The following RFX8 variants were observed in gnomAD, a reference collection of about 807,000 sequenced individuals.
The protein encoded by RFX8 is regulatory factor X8.
Under a neutral mutation model 54.6 loss-of-function variants are expected in RFX8, and 46 were observed. The ratio of observed to expected loss-of-function variants is 0.84; its 90% CI spans 0.67 to 1.08. The LOEUF (loss-of-function observed/expected upper bound fraction) is 1.08, where lower values mean the gene tolerates loss of function less well. RFX8 is among the 50% of genes least tolerant of loss of function. RFX8 has a pLI of 0.00. For missense variants in RFX8, 536 were observed against 562.3 expected, an observed-to-expected ratio of 0.95 and a Z score of 0.47; for synonymous variants, 192 against 209.5, an observed-to-expected ratio of 0.92 and a Z score of 0.72.
intron 2 of RFX8, among the ~76,000 whole-genome samples, chr2:101,461,212 G>A (rs569910088): frequency 1.0e-3 from 143 of 137,076 alleles, no homozygotes; most frequent in African/African-American, 3.6e-3. Flanking sequence ...GCAGTGAGCC[G>A]AGATCACGCC....
At chr2:101,427,982 C>G (rs185464923) in intron 2 of RFX8, among the ~76,000 whole-genome samples, 1 of 152,120 alleles carries the variant, frequency 6.6e-6, no homozygotes, top group Non-Finnish European at 1.5e-5. Flanking sequence ...CCCCGCCCCC[C>G]GCAGGGTCAT....
intron 2 of RFX8, among the ~76,000 whole-genome samples, chr2:101,446,729 G>A (rs1688404893): frequency 6.8e-6 from 1 of 146,716 alleles, no homozygotes; most frequent in Non-Finnish European, 1.5e-5. Context: ...CCGAGTGCCT[G>A]CCTAGTTACT....
intron 1 of RFX8, chr2:101,474,098 C>A: frequency 1.9e-6 from 1 of 515,404 alleles, no homozygotes; most frequent in Non-Finnish European, 3.4e-6. Flanking sequence ...CTCCTCACAC[C>A]CGGCTTTGAC....
intron 9 of RFX8, among the ~76,000 whole-genome samples, chr2:101,409,345 C>A (rs996027674): frequency 7.9e-5 from 12 of 152,082 alleles, no homozygotes; most frequent in African/African-American, 2.2e-4. Context: ...GCCTCAGCCT[C>A]CCGAGTAGCT....
At chr2:101,421,065 T>G (rs1686833146) in intron 4 of RFX8, among the ~76,000 whole-genome samples, 1 of 152,224 alleles carries the variant, frequency 6.6e-6, no homozygotes, top group African/African-American at 2.4e-5. Flanking sequence ...TGAAGACATC[T>G]TGGTCTCTCC....
intron 1 of RFX8, among the ~76,000 whole-genome samples, chr2:101,470,080 A>G (rs1345336601): frequency 6.6e-6 from 1 of 151,248 alleles, no homozygotes; most frequent in Non-Finnish European, 1.5e-5. Context: ...GTCACCCAGT[A>G]GTTGCCTCAG....
At chr2:101,414,769 C>T in intron 7 of RFX8, 85 bp downstream of exon 7, 1 of 1,040,564 alleles carries the variant, frequency 9.6e-7, no homozygotes, top group South Asian at 1.4e-5. Flanking sequence ...ACAGAGCAAC[C>T]ACTCACTCTT....
chr2:101,406,997 C>T (rs921530013), intron 9 of RFX8, among the ~76,000 whole-genome samples: 2 of 152,140 alleles, frequency 1.3e-5, no homozygotes, highest in Admixed American at 1.3e-4. Flanking sequence ...TTCCCTCTAC[C>T]CAGACAGAGA....
chr2:101,436,259 G>A (rs1687777553), intron 2 of RFX8, among the ~76,000 whole-genome samples: 1 of 152,128 alleles, frequency 6.6e-6, no homozygotes, highest in East Asian at 1.9e-4. Flanking sequence ...TGGAGTACTT[G>A]GTGGTAGTGA....
chr2:101,419,906 G>C (rs372321406), intron 4 of RFX8, among the ~76,000 whole-genome samples: 21 of 152,170 alleles, frequency 1.4e-4, no homozygotes, highest in African/African-American at 4.6e-4. Flanking sequence ...TTTGGGGAAG[G>C]GGGGTCTGGG....
chr2:101,459,851 A>G lies in RFX8; in HGVS notation c.72+6926T>C, dbSNP rs145931719. On this transcript the variant is annotated intron_variant, in intron 2 of 11. Coordinates refer to ENST00000428343, the MANE Select transcript of RFX8 (RefSeq NM_001145664.2). ...TGCCCTGCCCACAGAGGTGGAGTCC[A>G]TAGAGGCAGTAGGGCTTGTTGCACT... 9.3e-3 allele frequency among the ~76,000 whole-genome samples: 1,410 copies of G among 152,328 alleles called. 24 individuals carry two copies. The highest frequency in any genetic ancestry group is 0.033 in the African/African-American group (1,367 of 41,574).
chr2:101,436,070 C>A (rs995178857), intron 2 of RFX8, among the ~76,000 whole-genome samples: 13 of 152,226 alleles, frequency 8.5e-5, no homozygotes, highest in African/African-American at 3.1e-4. Flanking sequence ...TCTGTGGGCA[C>A]CCTCTTCTCC....
At chr2:101,439,572 C>A (rs534080122) in intron 2 of RFX8, among the ~76,000 whole-genome samples, 6 of 146,500 alleles carry the variant, frequency 4.1e-5, no homozygotes, top group African/African-American at 1.5e-4. Flanking sequence ...TTTTCATATA[C>A]ATTATGAAGA....
intron 11 of RFX8, among the ~76,000 whole-genome samples, chr2:101,401,133 G>A (rs1051515648): frequency 9.9e-5 from 15 of 152,146 alleles, no homozygotes; most frequent in Non-Finnish European, 1.5e-4. Context: ...ACAGACAAAC[G>A]TTGGAATCTA....
intron 2 of RFX8, among the ~76,000 whole-genome samples, chr2:101,426,978 T>C (rs1033030396): frequency 7.2e-5 from 11 of 152,136 alleles, no homozygotes; most frequent in African/African-American, 2.7e-4. Context: ...ATCGACAAGC[T>C]CTGTGCCCTC....
intron 9 of RFX8, among the ~76,000 whole-genome samples, chr2:101,408,421 C>G (rs1685883625): frequency 6.6e-6 from 1 of 151,666 alleles, no homozygotes; most frequent in Admixed American, 6.6e-5. Flanking sequence ...GGGGGCGGAG[C>G]CTGCAGTGAG....
intron 2 of RFX8, among the ~76,000 whole-genome samples, chr2:101,458,269 A>T (rs1689089048): frequency 6.6e-6 from 1 of 152,084 alleles, no homozygotes; most frequent in Admixed American, 6.6e-5. Flanking sequence ...TTAGCTGGTT[A>T]TTTTGCCCAC....
chr2:101,469,123 A>AGTATATATATATAAGT (rs1689826862), intron 1 of RFX8, among the ~76,000 whole-genome samples: 1 of 105,634 alleles, frequency 9.5e-6, no homozygotes, highest in Non-Finnish European at 1.8e-5. Flanking sequence ...TATATATATA[A>AGTATATATATATAAGT]GTATATATAT....
In RFX8 at chr2:101,402,416, G is replaced by C; in HGVS notation, c.1245+20C>G. 6.6e-7 allele frequency: 1 copy of C among 1,525,072 alleles called. No homozygotes were observed. Among genetic ancestry groups the C allele is most frequent in the Non-Finnish European group, 8.9e-7 (1 of 1,128,186 alleles). The allele number at this position is 1,525,072 out of a possible 1,614,324, so 94.5% of individuals were successfully genotyped here. A position where few individuals can be genotyped will look rare whatever the true frequency, so the allele number is the denominator to read the frequency against. On this transcript the variant is annotated intron_variant, in intron 11 of 11. Transcript: ENST00000428343. ...TTCCCCTTGAAACAGCTGTGTGGAA[G>C]GGGGTCCTGGTGTCCCTACCTTATT...
Sources: allele counts gnomAD v4.1 joint callset (sites outside exome capture counted in the v4.1 genomes callset), GRCh38; gene constraint gnomAD v4.1.1; transcripts MANE v1.5; gene names NCBI Gene and HGNC (gene_info 2026-07-23, HGNC 2026-07-21).